SNX11: variants seen among roughly 807,000 people sequenced by gnomAD.
The protein encoded by SNX11 is sorting nexin 11, also known as sorting nexin-11.
SNX11 carries 19 observed loss-of-function variants against 30.7 expected under a neutral mutation model. The observed-to-expected ratio is 0.62, with a 90% CI of 0.43 to 0.91. The LOEUF (loss-of-function observed/expected upper bound fraction) is 0.91. SNX11 is among the 40% of genes least tolerant of loss of function. The probability of loss-of-function intolerance (pLI) is 0.00; values close to 1 mark genes in which losing one functional copy is unlikely to be tolerated. For synonymous variants in SNX11, 112 were observed against 119.0 expected, an observed-to-expected ratio of 0.94 and a Z score of 0.38; for missense variants, 302 against 326.7, an observed-to-expected ratio of 0.92 and a Z score of 0.58.
At chr17:48,116,133 C>G (rs1418843262) in intron 4 of SNX11, among the ~76,000 whole-genome samples, 3 of 151,972 alleles carry the variant, frequency 2.0e-5, no homozygotes, top group Non-Finnish European at 4.4e-5. Context: ...GTGGCAGGTG[C>G]CTGTAATCCC....
chr17:48,109,640 C>G (rs1223220812), intron 1 of SNX11, among the ~76,000 whole-genome samples: 1 of 151,016 alleles, frequency 6.6e-6, no homozygotes, highest in South Asian at 2.1e-4. Context: ...TGCAGTGGCG[C>G]GATCTCGGCT....
chr17:48,120,723 G>A, intron 6 of SNX11, among the ~76,000 whole-genome samples: 1 of 150,614 alleles, frequency 6.6e-6, no homozygotes, highest in Non-Finnish European at 1.5e-5. Flanking sequence ...TGTTAGCCAG[G>A]ATGGCCTCCA....
chr17:48,112,019 G>A lies in SNX11; in HGVS notation c.-13-12G>A. ...TACTAACCTTGATCCTGTATCCTCTGTCCCTCATCAGATGTTTCCTTCCAA... is the reference window on the plus strand; with the variant it reads ...TACTAACCTTGATCCTGTATCCTCTATCCCTCATCAGATGTTTCCTTCCAA... On this transcript the variant is annotated splice_polypyrimidine_tract_variant and intron_variant, in intron 1 of 6. Coordinates refer to ENST00000359238, the MANE Select transcript of SNX11 (RefSeq NM_013323.3). The A allele has an allele frequency of 6.2e-7, 1 of 1,606,326 alleles. No individual in the cohort carries two copies. The highest frequency in any genetic ancestry group is 8.5e-7 in the Non-Finnish European group (1 of 1,172,930).
At chr17:48,112,501 A>G in intron 2 of SNX11, 73 bp from the exon 3 acceptor site, 1 of 975,162 alleles carries the variant, frequency 1.0e-6, no homozygotes, top group Non-Finnish European at 1.6e-6. Flanking sequence ...TTGGGTGGAA[A>G]AATCTAGCGA....
chr17:48,113,344 G>A lies in SNX11; in HGVS notation c.173G>A (p.Arg58His), dbSNP rs1197429945. Residue 58 changes from arginine to histidine, a missense_variant, in exon 4 of 7, where the codon CGC becomes CAC. Physicochemically the swap from Arg to His is conservative, Grantham distance 29 (BLOSUM62 0). Transcript: ENST00000359238. ...AFTAKTSCVRRRYREFVWLRK... is the reference protein window; with the variant it reads ...AFTAKTSCVRHRYREFVWLRK... ...ACTGCCAAGACTTCCTGTGTGCGGC[G>A]CCGCTACCGTGAGTTCGTGTGGCTG... 3.1e-6 allele frequency: 5 copies of A among 1,613,484 alleles called. No homozygotes were observed. Among genetic ancestry groups the A allele is most frequent in the African/African-American group, 1.3e-5 (1 of 74,870 alleles).
chr17:48,121,947 C>T lies in SNX11; in HGVS notation c.*439C>T, dbSNP rs368326597. On this transcript the variant is annotated 3_prime_UTR_variant, in exon 7 of 7. Coordinates refer to ENST00000359238, the MANE Select transcript of SNX11 (RefSeq NM_013323.3). ...TTCAGTTTTTGCTGTAGCCCTAGAG[C>T]ACTTTGTTTGTGGGAGGCTGGCCTC... The T allele has an allele frequency of 1.2e-5, 2 of 160,376 alleles. No homozygotes were observed. Among genetic ancestry groups the T allele is most frequent in the Non-Finnish European group, 2.8e-5 (2 of 72,536 alleles). The allele number at this position is 160,376 out of a possible 1,614,324, so 9.9% of individuals were successfully genotyped here.
chr17:48,116,552 G>A (rs999653513), intron 4 of SNX11, among the ~76,000 whole-genome samples: 5 of 151,394 alleles, frequency 3.3e-5, no homozygotes, highest in African/African-American at 1.2e-4. Context: ...AATAGTTGAT[G>A]GTGGGTGTGG....
chr17:48,118,597 A>G, intron 4 of SNX11, 107 bp from the exon 5 acceptor site: 1 of 674,812 alleles, frequency 1.5e-6, no homozygotes, highest in Non-Finnish European at 2.5e-6. Context: ...AAAAAAAGCT[A>G]TTTGTATTGA....
At chr17:48,120,201 G>GTT (rs61680588) in intron 6 of SNX11, among the ~76,000 whole-genome samples, 321 of 74,252 alleles carry the variant, frequency 4.3e-3, no homozygotes, top group African/African-American at 5.6e-3. Flanking sequence ...GCATTTATCT[G>GTT]TTTTTTTTTT....
chr17:48,112,423 A>G (rs2063500943), intron 2 of SNX11, 151 bp from the exon 3 acceptor site: 2 of 681,696 alleles, frequency 2.9e-6, no homozygotes, highest in Admixed American at 2.3e-5. Flanking sequence ...GAATTGAGTG[A>G]CTGAATTGAG....
Position 48,122,430 on chromosome 17 carries a change from A to G in SNX11, c.*922A>G, listed in dbSNP as rs1346008457. The G allele has an allele frequency of 6.5e-6, 1 of 153,430 alleles. No homozygotes were observed. Among genetic ancestry groups the G allele is most frequent in the Non-Finnish European group, 1.5e-5 (1 of 68,124 alleles). 9.5% of individuals were successfully genotyped at this position (153,430 alleles called of 1,614,324 possible). On this transcript the variant is annotated 3_prime_UTR_variant, in exon 7 of 7. Transcript: ENST00000359238. ...AGGGCTTTGTTTCTGCCTGCCTGAA[A>G]GAGAGGGCTCTGGGGATGGAGATGA...
At chr17:48,120,904 T>C (rs1402446634) in intron 6 of SNX11, among the ~76,000 whole-genome samples, 1 of 13,456 alleles carries the variant, frequency 7.4e-5, no homozygotes, top group East Asian at 4.2e-3. Flanking sequence ...TGCCCAGCCA[T>C]TTTTTTTTTT....
rs2063495449 is a variant in SNX11 at position 48,111,817 on chromosome 17, C to G, written c.-13-214C>G. ...GAGGTGGCCTAGTTGAGGGCCTGGT[C>G]TGAGAAGGGAGGCAAATCCCCCAGG... On this transcript the variant is annotated intron_variant, in intron 1 of 6. Transcript: ENST00000359238. 2.2e-5 allele frequency: 12 copies of G among 554,770 alleles called. No homozygotes were observed. The South Asian group carries it at 2.5e-4, about 12-fold the overall frequency. 34.4% of individuals were successfully genotyped at this position (554,770 alleles called of 1,614,324 possible).
At chr17:48,117,643 C>T (rs1008494302) in intron 4 of SNX11, among the ~76,000 whole-genome samples, 2 of 151,936 alleles carry the variant, frequency 1.3e-5, no homozygotes, top group Non-Finnish European at 2.9e-5. Flanking sequence ...CTGCCCACCT[C>T]GGCCTCCCAA....
At chr17:48,108,203 G>C (rs978626605) in intron 1 of SNX11, among the ~76,000 whole-genome samples, 1 of 152,268 alleles carries the variant, frequency 6.6e-6, no homozygotes, top group African/African-American at 2.4e-5. Flanking sequence ...AGTATTTTAC[G>C]TGGACACGGG....
chr17:48,113,068 G>A (rs1041748224), intron 3 of SNX11, among the ~76,000 whole-genome samples: 2 of 152,020 alleles, frequency 1.3e-5, no homozygotes, highest in Non-Finnish European at 2.9e-5. Flanking sequence ...TGTTTCTGGT[G>A]GACCCGAGAC....
At chr17:48,109,935 G>A (rs889401965) in intron 1 of SNX11, among the ~76,000 whole-genome samples, 7 of 152,078 alleles carry the variant, frequency 4.6e-5, no homozygotes, top group South Asian at 2.1e-4. Flanking sequence ...TGATCATTTC[G>A]TTCCTAAATT....
chr17:48,115,995 C>T (rs868626424), intron 4 of SNX11, among the ~76,000 whole-genome samples: 17 of 148,574 alleles, frequency 1.1e-4, no homozygotes, highest in African/African-American at 4.0e-4. Context: ...CTGCCGGTCG[C>T]GGTGGCTCAC....
intron 2 of SNX11, 125 bp downstream of exon 2, chr17:48,112,210 C>T: frequency 2.2e-6 from 2 of 904,100 alleles, no homozygotes; most frequent in South Asian, 2.7e-5. Flanking sequence ...TTCTGATGAG[C>T]TCAGAATAAA....
Sources: allele counts gnomAD v4.1 joint callset (sites outside exome capture counted in the v4.1 genomes callset), GRCh38; gene constraint gnomAD v4.1.1; transcripts MANE v1.5; gene names NCBI Gene and HGNC (gene_info 2026-07-23, HGNC 2026-07-21).